Variants in PPM1H observed in about 807,000 individuals in gnomAD.
The protein encoded by PPM1H is protein phosphatase 1H.
PPM1H carries 27 observed loss-of-function variants against 54.9 expected under a neutral mutation model. That is an observed-to-expected ratio of 0.49 (90% CI 0.36 to 0.68). The LOEUF (loss-of-function observed/expected upper bound fraction) is 0.68. Ranked by LOEUF, PPM1H falls within the 30% of genes least tolerant of loss-of-function variation. PPM1H has a pLI of 0.00. For missense variants in PPM1H, 596 were observed against 667.8 expected, an observed-to-expected ratio of 0.89 and a Z score of 1.19; for synonymous variants, 305 against 270.8, an observed-to-expected ratio of 1.13 and a Z score of -1.24.
intron 1 of PPM1H, among the ~76,000 whole-genome samples, chr12:62,875,902 G>T (rs1276547828): frequency 6.6e-6 from 1 of 152,216 alleles, no homozygotes; most frequent in Non-Finnish European, 1.5e-5. Context: ...CTGTTGACTA[G>T]ATGGTATATT....
chr12:62,767,311 G>A (rs2076550003), intron 4 of PPM1H, among the ~76,000 whole-genome samples: 1 of 152,162 alleles, frequency 6.6e-6, no homozygotes, highest in Non-Finnish European at 1.5e-5. Flanking sequence ...TGGCAGGTGT[G>A]AAGAGGTTCC....
intron 9 of PPM1H, among the ~76,000 whole-genome samples, chr12:62,665,447 A>G (rs1441224317): frequency 2.6e-5 from 4 of 152,062 alleles, no homozygotes; most frequent in Non-Finnish European, 5.9e-5. Flanking sequence ...ACTTCTTCCC[A>G]TCTTCTATAG....
chr12:62,707,424 C>T (rs1039577682), intron 6 of PPM1H, among the ~76,000 whole-genome samples: 1 of 152,324 alleles, frequency 6.6e-6, no homozygotes, highest in Admixed American at 6.5e-5. Flanking sequence ...AGACCACCAG[C>T]AGCCCAGGAG....
At chr12:62,668,411 T>A (rs1433320784) in intron 8 of PPM1H, among the ~76,000 whole-genome samples, 1 of 152,230 alleles carries the variant, frequency 6.6e-6, no homozygotes, top group African/African-American at 2.4e-5. Context: ...TCTCTCACTG[T>A]GTTGCCCAGG....
At position 62,648,407 on chromosome 12, in the gene PPM1H, G is replaced by C; in HGVS notation, c.*82C>G. On this transcript the variant is annotated 3_prime_UTR_variant, in exon 10 of 10. Transcript: ENST00000228705. Reference sequence around the variant, plus strand: ...AAGAGACTGCATCACTTGGAACTCAGCTGGGGCACTTCCCAGTTCCGTCCT... The same window carrying C: ...AAGAGACTGCATCACTTGGAACTCACCTGGGGCACTTCCCAGTTCCGTCCT... The C allele has an allele frequency of 6.5e-7, 1 of 1,532,434 alleles. No individual in the cohort carries two copies. The highest frequency in any genetic ancestry group is 8.9e-7 in the Non-Finnish European group (1 of 1,121,610). The allele number at this position is 1,532,434 out of a possible 1,614,324, so 94.9% of individuals were successfully genotyped here.
chr12:62,669,824 A>G (rs770266401), intron 8 of PPM1H, among the ~76,000 whole-genome samples: 8 of 151,934 alleles, frequency 5.3e-5, no homozygotes, highest in Non-Finnish European at 7.4e-5. Flanking sequence ...CTGTCATCCC[A>G]GCTACTTGGG....
chr12:62,930,017 G>C (rs1459129412), intron 1 of PPM1H, among the ~76,000 whole-genome samples: 1 of 152,112 alleles, frequency 6.6e-6, no homozygotes, highest in East Asian at 1.9e-4. Context: ...AGTTAGAAGG[G>C]AAAAAGAAAG....
Position 62,904,864 on chromosome 12 carries a change from A to G in PPM1H, c.245+29628T>C, listed in dbSNP as rs574554352. On this transcript the variant is annotated intron_variant, in intron 1 of 9. Transcript: ENST00000228705. The stretch of plus-strand genomic sequence containing the variant: ...AATATTAATTTCTTAGAAAAAATCA[A>G]TGCAAACCTATAAGCTTTAAAGGCC... Among the ~76,000 whole-genome samples the G allele has an allele frequency of 3.0e-4, 45 of 152,320 alleles. 1 individual carries two copies. The South Asian group carries it at 4.1e-3, about 14-fold the overall frequency.
intron 9 of PPM1H, among the ~76,000 whole-genome samples, chr12:62,651,654 C>T (rs1217733443): frequency 6.6e-6 from 1 of 152,166 alleles, no homozygotes; most frequent in Admixed American, 6.5e-5. Context: ...GTTCTCTCTT[C>T]ACCATCCACT....
rs138624680 is a variant in PPM1H, at chr12:62,917,161, G to A, written c.245+17331C>T. Among the ~76,000 whole-genome samples, 327 of 152,348 alleles carry A rather than the reference G, an allele frequency of 2.1e-3. 1 individual carries two copies. Among genetic ancestry groups the A allele is most frequent in the Non-Finnish European group, 3.2e-3 (216 of 68,040 alleles). On this transcript the variant is annotated intron_variant, in intron 1 of 9. Transcript: ENST00000228705. ...GATGCTGAGAGCAGTACAGTGACAC[G>A]TGGCTGCAGGGCCACGTATAAGTAC...
At chr12:62,931,270 A>G (rs761792673) in intron 1 of PPM1H, among the ~76,000 whole-genome samples, 5 of 152,178 alleles carry the variant, frequency 3.3e-5, no homozygotes, top group African/African-American at 1.2e-4. Context: ...TACAGTTCTT[A>G]TCACCACAAT....
intron 9 of PPM1H, among the ~76,000 whole-genome samples, chr12:62,663,411 T>C (rs2075897310): frequency 6.6e-6 from 1 of 152,084 alleles, no homozygotes; most frequent in Non-Finnish European, 1.5e-5. Flanking sequence ...GGTCTTGAAC[T>C]CCCAGGTTCA....
intron 6 of PPM1H, among the ~76,000 whole-genome samples, chr12:62,711,417 C>T (rs1452155639): frequency 6.6e-6 from 1 of 152,220 alleles, no homozygotes; most frequent in Non-Finnish European, 1.5e-5. Context: ...TTAACTGCTA[C>T]TCAACATCTA....
intron 6 of PPM1H, among the ~76,000 whole-genome samples, chr12:62,699,183 T>A (rs2076130372): frequency 1.3e-5 from 2 of 152,180 alleles, no homozygotes; most frequent in African/African-American, 4.8e-5. Context: ...AATTTCCTTT[T>A]TATTTTTTAT....
intron 5 of PPM1H, among the ~76,000 whole-genome samples, chr12:62,735,031 G>T (rs1169506891): frequency 6.6e-6 from 1 of 152,028 alleles, no homozygotes; most frequent in South Asian, 2.1e-4. Flanking sequence ...ACGACAGAGT[G>T]AAACCCTGTC....
rs1264477093 is a variant in PPM1H, at chr12:62,802,116, C to T, written c.456G>A (p.Gly152=). Reference sequence around the variant, plus strand: ...CCACCGCGGCCCCGGACCCCGCGTGCCCGTCAAACAGCGACCAATAGTGGC... The same window carrying T: ...CCACCGCGGCCCCGGACCCCGCGTGTCCGTCAAACAGCGACCAATAGTGGC... ...VSCHYWSLFD[G]HAGSGAAVVA... is the part of the protein sequence containing the mutation. The change falls in exon 3 of 10, where the codon GGG becomes GGA. Residue 152 remains glycine (G), a synonymous_variant. Coordinates refer to ENST00000228705, the MANE Select transcript of PPM1H (RefSeq NM_020700.2). The T allele has an allele frequency of 1.9e-6, 3 of 1,596,058 alleles. No individual in the cohort carries two copies. The highest frequency in any genetic ancestry group is 2.6e-6 in the Non-Finnish European group (3 of 1,170,490).
At chr12:62,728,981 T>G (rs1375396803) in intron 5 of PPM1H, among the ~76,000 whole-genome samples, 1 of 152,114 alleles carries the variant, frequency 6.6e-6, no homozygotes, top group Admixed American at 6.5e-5. Context: ...AGCTGGCCAG[T>G]GAGTAGTGTC....
rs758947327 is a variant in PPM1H, at chr12:62,801,950, G to C, written c.622C>G (p.Arg208Gly). The C allele has an allele frequency of 1.2e-6, 2 of 1,612,640 alleles. No individual in the cohort carries two copies. ...NTPANSRTLT[R>G]AASLRGGVGA... Reference sequence around the variant, plus strand: ...ACCCCTCCGCGCAGGGAGGCTGCCCGGGTCAGAGTCCGGCTGTTGGCGGGC... The same window carrying C: ...ACCCCTCCGCGCAGGGAGGCTGCCCCGGTCAGAGTCCGGCTGTTGGCGGGC... The change falls in exon 3 of 10, where the codon CGG becomes GGG. Residue 208 changes from arginine to glycine, a missense_variant. Physicochemically the swap from Arg to Gly is moderately radical, Grantham distance 125. Transcript: ENST00000228705.
At chr12:62,887,406 C>T (rs939146758) in intron 1 of PPM1H, among the ~76,000 whole-genome samples, 3 of 152,188 alleles carry the variant, frequency 2.0e-5, no homozygotes, top group Non-Finnish European at 4.4e-5. Context: ...AGCCTAATGA[C>T]GGACATGTAA....
Sources: allele counts gnomAD v4.1 joint callset (sites outside exome capture counted in the v4.1 genomes callset), GRCh38; gene constraint gnomAD v4.1.1; transcripts MANE v1.5; gene names NCBI Gene and HGNC (gene_info 2026-07-23, HGNC 2026-07-21).